Variants in NUP93 observed in about 807,000 individuals in gnomAD.
NUP93 encodes nucleoporin 93.
Under a neutral mutation model 107.8 loss-of-function variants are expected in NUP93, and 55 were observed. That is an observed-to-expected ratio of 0.51 (90% confidence interval 0.41 to 0.64). NUP93 has a LOEUF of 0.64. Among genes scored for constraint, NUP93 ranks in the 30% least tolerant of loss-of-function variants. The pLI, the probability that NUP93 is intolerant of heterozygous loss-of-function variation, is 0.00. For synonymous variants in NUP93, 390 were observed against 397.5 expected, an observed-to-expected ratio of 0.98 and a Z score of 0.22; for missense variants, 937 against 1,044.7, an observed-to-expected ratio of 0.90 and a Z score of 1.42.
intron 3 of NUP93, chr16:56,782,030 CTTTCTCTCTT>C (rs1442564859): frequency 2.8e-5 from 28 of 985,424 alleles, no homozygotes; most frequent in East Asian, 1.1e-4. Flanking sequence ...CCTTTTTCTT[CTTTCTCTCTT>C]TTTCTCTTCT....
intron 2 of NUP93, among the ~76,000 whole-genome samples, chr16:56,751,027 A>G (rs1282560141): frequency 2.0e-5 from 3 of 152,058 alleles, no homozygotes; most frequent in African/African-American, 7.2e-5. Context: ...ACGCACCTGT[A>G]GTCCCAGCTA....
chr16:56,805,212 C>T lies in NUP93; in HGVS notation c.361-292C>T, dbSNP rs540715108. On this transcript the variant is annotated intron_variant, in intron 4 of 21. Coordinates refer to ENST00000308159, the MANE Select transcript of NUP93 (RefSeq NM_014669.5). ...AGCTGGGACTACAGGTGTACACCAC[C>T]GTGCCCAGCTAACTTTTTGTAGAGA... Among the ~76,000 whole-genome samples, 17 of 152,198 alleles carry T rather than the reference C, an allele frequency of 1.1e-4. 1 individual carries two copies. The highest frequency in any genetic ancestry group is 9.8e-4 in the Admixed American group (15 of 15,284).
chr16:56,731,517 C>T lies in NUP93; in HGVS notation c.-15+1306C>T, dbSNP rs555740902. Among the ~76,000 whole-genome samples the T allele has an allele frequency of 2.1e-4, 32 of 151,978 alleles. 2 individuals are homozygous for T. In the South Asian group the frequency reaches 6.6e-3, roughly 32 times the overall value. ...CTGCCTCCCAGGCTCAAGTGATTCT[C>T]CTACTTCGGCCTCCCAAGTAGCTGG... On this transcript the variant is annotated intron_variant, in intron 1 of 21. Coordinates refer to ENST00000308159, the MANE Select transcript of NUP93 (RefSeq NM_014669.5).
intron 1 of NUP93, among the ~76,000 whole-genome samples, chr16:56,744,711 T>G (rs1342240363): frequency 1.3e-5 from 2 of 152,202 alleles, no homozygotes; most frequent in Non-Finnish European, 2.9e-5. Context: ...GTTCACCTGG[T>G]TTTTGGTCTT....
chr16:56,782,902 A>G (rs565052414), intron 3 of NUP93, among the ~76,000 whole-genome samples: 10 of 152,258 alleles, frequency 6.6e-5, no homozygotes, highest in South Asian at 2.1e-4. Context: ...TTATTTCTTA[A>G]ATTCAGTCTC....
chr16:56,739,019 C>T (rs1240867374), intron 1 of NUP93, among the ~76,000 whole-genome samples: 1 of 148,306 alleles, frequency 6.7e-6, no homozygotes, highest in African/African-American at 2.5e-5. Context: ...TTTCAGAGAG[C>T]ACAGGGTTGG....
At chr16:56,800,352 A>G (rs1478886797) in intron 4 of NUP93, among the ~76,000 whole-genome samples, 1 of 152,186 alleles carries the variant, frequency 6.6e-6, no homozygotes, top group Non-Finnish European at 1.5e-5. Context: ...CTCCTGCTGT[A>G]AAGGACCAGT....
At chr16:56,829,490 T>C (rs138895391) in intron 9 of NUP93, among the ~76,000 whole-genome samples, 1 of 152,284 alleles carries the variant, frequency 6.6e-6, no homozygotes, top group African/African-American at 2.4e-5. Context: ...TGTGGTCTCT[T>C]CTCAGCTCGT....
intron 3 of NUP93, among the ~76,000 whole-genome samples, chr16:56,772,059 T>A (rs1241170376): frequency 6.6e-6 from 1 of 152,220 alleles, no homozygotes; most frequent in Non-Finnish European, 1.5e-5. Context: ...CCTTTCACTT[T>A]TGCTTTCCTT....
At position 56,850,207 on chromosome 16, in the gene NUP93, G is replaced by GTT. The variant is rs1330333047; in HGVS notation, c.*5599_*5600insTT. On this transcript the variant is annotated 3_prime_UTR_variant, in exon 22 of 22. Transcript: ENST00000308159. The stretch of plus-strand genomic sequence containing the variant: ...TGTTCTGCATGTTCCTTTCTGTACA[G>GTT]TAACTTCTGCATTTACTCTGTTTAG... 7.2e-5 allele frequency: 11 copies of GTT among 152,370 alleles called. No homozygotes were observed. The highest frequency in any genetic ancestry group is 2.6e-4 in the African/African-American group (11 of 41,572). The allele number at this position is 152,370 out of a possible 1,614,324, so 9.4% of individuals were successfully genotyped here.
chr16:56,815,562 C>T (rs1207775388), intron 5 of NUP93, among the ~76,000 whole-genome samples: 1 of 152,100 alleles, frequency 6.6e-6, no homozygotes, highest in Non-Finnish European at 1.5e-5. Context: ...TGTTGTGGAG[C>T]GTAGGATTTG....
intron 2 of NUP93, among the ~76,000 whole-genome samples, chr16:56,755,642 A>G (rs1198847977): frequency 3.3e-5 from 5 of 152,102 alleles, no homozygotes; most frequent in African/African-American, 1.2e-4. Flanking sequence ...TTGGGAGGCT[A>G]AGGTGGGTGG....
chr16:56,761,461 C>CT (rs1179489387), intron 3 of NUP93, among the ~76,000 whole-genome samples: 18 of 151,170 alleles, frequency 1.2e-4, no homozygotes, highest in Non-Finnish European at 1.9e-4. Context: ...ATTCGATGGA[C>CT]TTTTTTTTTC....
intron 2 of NUP93, among the ~76,000 whole-genome samples, chr16:56,750,153 C>A (rs993984207): frequency 6.6e-5 from 10 of 152,178 alleles, no homozygotes; most frequent in African/African-American, 2.4e-4. Context: ...GTCATGCTCT[C>A]TTGTAAATTT....
At chr16:56,815,078 A>G (rs1963393207) in intron 5 of NUP93, among the ~76,000 whole-genome samples, 1 of 152,236 alleles carries the variant, frequency 6.6e-6, no homozygotes, top group Non-Finnish European at 1.5e-5. Flanking sequence ...ATTTAAATGG[A>G]AATTTGAAGG....
rs768530164 is a variant in NUP93, at chr16:56,825,567, C to CT, written c.794+1727dup. ...GTAAGTGTATGACTGCTCATGACTA[C>CT]TTTTTTCTTGATCACCCTAATCCTT... On this transcript the variant is annotated intron_variant, in intron 8 of 21. Transcript: ENST00000308159. Among the ~76,000 whole-genome samples the CT allele has an allele frequency of 2.2e-3, 331 of 151,882 alleles. 1 individual carries two copies. The highest frequency in any genetic ancestry group is 4.1e-3 in the Non-Finnish European group (277 of 67,922).
chr16:56,838,166 T>C (rs1471165919), intron 18 of NUP93, among the ~76,000 whole-genome samples: 4 of 152,328 alleles, frequency 2.6e-5, no homozygotes, highest in Middle Eastern at 3.4e-3. Flanking sequence ...ATCAGACTTC[T>C]AACTAGTTTA....
At chr16:56,761,146 T>C (rs1962119612) in intron 3 of NUP93, among the ~76,000 whole-genome samples, 1 of 152,256 alleles carries the variant, frequency 6.6e-6, no homozygotes, top group African/African-American at 2.4e-5. Context: ...CTTCATCTTC[T>C]TGCCAGCAAA....
chr16:56,750,301 C>T (rs1278473316), intron 2 of NUP93, among the ~76,000 whole-genome samples: 1 of 152,086 alleles, frequency 6.6e-6, no homozygotes, highest in Non-Finnish European at 1.5e-5. Context: ...TTTCCATCTT[C>T]TTGATAGGCA....
Sources: gnomAD v4.1 joint callset for allele counts (sites outside exome capture counted in the v4.1 genomes callset) on GRCh38, gnomAD v4.1.1 for gene constraint, MANE v1.5 for transcripts, NCBI Gene and HGNC (gene_info 2026-07-23, HGNC 2026-07-21) for gene names.